The following RAB31 variants were observed in gnomAD, a reference collection of about 807,000 sequenced individuals.
RAB31 encodes RAB31, member RAS oncogene family.
In RAB31, 21 loss-of-function variants were observed where a neutral mutation model predicts 25.6. The observed-to-expected ratio is 0.82, with a 90% CI of 0.58 to 1.18. The LOEUF is 1.18. RAB31 is among the 50% of genes most tolerant of loss of function. The probability of loss-of-function intolerance (pLI) is 0.00; values close to 1 mark genes in which losing one functional copy is unlikely to be tolerated. For synonymous variants in RAB31, 87 were observed against 84.0 expected (o/e 1.04, Z -0.20); for missense variants, 196 against 250.1 (o/e 0.78, Z 1.46).
At chr18:9,845,911 G>A (rs1398303923) in intron 6 of RAB31, among the ~76,000 whole-genome samples, 1 of 152,182 alleles carries the variant, frequency 6.6e-6, no homozygotes, top group Admixed American at 6.5e-5. Context: ...TTCACTCTGA[G>A]TTCTGTAAAT....
Position 9,860,240 on chromosome 18 carries a change from A to G in RAB31, c.*915A>G, listed in dbSNP as rs953200582. The G allele has an allele frequency of 6.6e-6, 1 of 152,226 alleles. No individual in the cohort carries two copies. The highest frequency in any genetic ancestry group is 1.5e-5 in the Non-Finnish European group (1 of 68,034). 9.4% of individuals were successfully genotyped at this position (152,226 alleles called of 1,614,324 possible). On this transcript the variant is annotated 3_prime_UTR_variant, in exon 7 of 7. Coordinates refer to ENST00000578921, the MANE Select transcript of RAB31 (RefSeq NM_006868.4). Reference sequence around the variant, plus strand: ...AGAGAATTAACTAGAATTAAATTTAATGTTTGAATCTAAATCATTGGGCAA... The same window carrying G: ...AGAGAATTAACTAGAATTAAATTTAGTGTTTGAATCTAAATCATTGGGCAA...
At chr18:9,750,780 CT>C (rs1005744053) in intron 1 of RAB31, among the ~76,000 whole-genome samples, 2 of 152,188 alleles carry the variant, frequency 1.3e-5, no homozygotes. Context: ...AACATACTTC[CT>C]TTGGTTCATC....
intron 3 of RAB31, among the ~76,000 whole-genome samples, chr18:9,809,165 C>T (rs1197744576): frequency 6.6e-6 from 1 of 152,202 alleles, no homozygotes; most frequent in Non-Finnish European, 1.5e-5. Flanking sequence ...CTGTTTTTAC[C>T]TTGGCCGTGA....
intron 5 of RAB31, among the ~76,000 whole-genome samples, chr18:9,844,055 A>G (rs933401076): frequency 3.9e-5 from 6 of 152,042 alleles, no homozygotes; most frequent in Non-Finnish European, 7.4e-5. Context: ...TCTCTTTTCC[A>G]ATAGCAATCC....
At chr18:9,768,347 T>C (rs1016207184) in intron 1 of RAB31, among the ~76,000 whole-genome samples, 1 of 152,206 alleles carries the variant, frequency 6.6e-6, no homozygotes, top group Non-Finnish European at 1.5e-5. Flanking sequence ...TTTCTCCACA[T>C]CCTCTTCAGC....
Position 9,861,102 on chromosome 18 carries a change from G to GT in RAB31, c.*1778dup, listed in dbSNP as rs1363928573. The GT allele has an allele frequency of 7.1e-6, 1 of 141,530 alleles. No homozygotes were observed. The highest frequency in any genetic ancestry group is 1.5e-5 in the Non-Finnish European group (1 of 65,240). 8.8% of individuals were successfully genotyped at this position (141,530 alleles called of 1,614,324 possible). A position where few individuals can be genotyped will look rare whatever the true frequency, so the allele number is the denominator to read the frequency against. On this transcript the variant is annotated 3_prime_UTR_variant, in exon 7 of 7. Transcript: ENST00000578921. ...GAAATGATCATACCCCTTGCCAAAG[G>GT]TAAAAAAAAAAAAAAAAAAATGAGT...
At chr18:9,750,321 A>G (rs2068227963) in intron 1 of RAB31, among the ~76,000 whole-genome samples, 1 of 152,224 alleles carries the variant, frequency 6.6e-6, no homozygotes, top group Admixed American at 6.5e-5. Flanking sequence ...ACAGCAGGAT[A>G]CTGCTGTCTG....
intron 3 of RAB31, among the ~76,000 whole-genome samples, chr18:9,798,308 C>T (rs1216737838): frequency 2.6e-5 from 4 of 151,544 alleles, no homozygotes; most frequent in Non-Finnish European, 4.4e-5. Context: ...TCTGGTGTCC[C>T]CTGGTGGAGT....
chr18:9,805,156 C>T (rs2068533712), intron 3 of RAB31, among the ~76,000 whole-genome samples: 2 of 151,168 alleles, frequency 1.3e-5, no homozygotes, highest in African/African-American at 4.9e-5. Flanking sequence ...CTCAGGAGAC[C>T]GAGACAGGAG....
chr18:9,845,052 C>T (rs1371599875), intron 5 of RAB31, among the ~76,000 whole-genome samples: 2 of 152,086 alleles, frequency 1.3e-5, no homozygotes, highest in African/African-American at 4.8e-5. Flanking sequence ...GCGAGAACAT[C>T]CTTTTACAGA....
intron 1 of RAB31, chr18:9,723,691 G>A (rs913087045): frequency 2.6e-5 from 4 of 152,138 alleles, no homozygotes; most frequent in African/African-American, 7.2e-5. Flanking sequence ...AAGCGAAGTG[G>A]GTGTGTGCAA....
At chr18:9,812,899 A>T (rs2068581559) in intron 3 of RAB31, among the ~76,000 whole-genome samples, 2 of 151,458 alleles carry the variant, frequency 1.3e-5, no homozygotes, top group South Asian at 4.2e-4. Context: ...GTTTCACCAT[A>T]TTGGCCAGGC....
intron 5 of RAB31, among the ~76,000 whole-genome samples, chr18:9,820,560 A>G (rs903153693): frequency 3.9e-5 from 6 of 151,960 alleles, no homozygotes; most frequent in Non-Finnish European, 7.4e-5. Flanking sequence ...TTTCTAGAAG[A>G]GTTTGTGAAG....
chr18:9,843,133 C>T (rs951268285), intron 5 of RAB31, among the ~76,000 whole-genome samples: 4 of 152,180 alleles, frequency 2.6e-5, no homozygotes, highest in African/African-American at 9.7e-5. Flanking sequence ...GGCCCAGAGG[C>T]ATCCTTGCTT....
At chr18:9,818,568 T>G (rs1470849415) in intron 5 of RAB31, among the ~76,000 whole-genome samples, 1 of 152,214 alleles carries the variant, frequency 6.6e-6, no homozygotes, top group Admixed American at 6.5e-5. Context: ...ATATACCACA[T>G]TTTTATTTAT....
At chr18:9,847,040 G>A (rs2068765631) in intron 6 of RAB31, among the ~76,000 whole-genome samples, 1 of 152,114 alleles carries the variant, frequency 6.6e-6, no homozygotes, top group Admixed American at 6.5e-5. Flanking sequence ...TAGCAGGCTG[G>A]GGCTGGAATT....
At chr18:9,811,621 A>G (rs1334467208) in intron 3 of RAB31, among the ~76,000 whole-genome samples, 3 of 152,198 alleles carry the variant, frequency 2.0e-5, no homozygotes, top group Admixed American at 6.5e-5. Context: ...TTTATGCTAT[A>G]CAGATGCTTG....
chr18:9,777,904 G>T (rs1045243566), intron 2 of RAB31, among the ~76,000 whole-genome samples: 2 of 151,666 alleles, frequency 1.3e-5, no homozygotes, highest in East Asian at 3.9e-4. Flanking sequence ...ACAGGTGCCC[G>T]CCACCATGCC....
In RAB31 at chr18:9,846,136, TG is replaced by T. The variant is rs1324441164; in HGVS notation, c.490+446del. Among the ~76,000 whole-genome samples the T allele has an allele frequency of 2.0e-5, 3 of 152,164 alleles. No individual in the cohort carries two copies. In the East Asian group the frequency reaches 5.8e-4, roughly 29 times the overall value. On this transcript the variant is annotated intron_variant, in intron 6 of 6. Coordinates refer to ENST00000578921, the MANE Select transcript of RAB31 (RefSeq NM_006868.4). ...CAAAAAGTAATGTCTCCATCCTGTT[TG>T]ACCTGAAATTGGGAATTGGATACAG...
Sources: gnomAD v4.1 joint callset for allele counts (sites outside exome capture counted in the v4.1 genomes callset) on GRCh38, gnomAD v4.1.1 for gene constraint, MANE v1.5 for transcripts, NCBI Gene and HGNC (gene_info 2026-07-23, HGNC 2026-07-21) for gene names.